The following TAOK3 variants were observed in gnomAD, a reference collection of about 807,000 sequenced individuals.
TAOK3 encodes serine/threonine-protein kinase TAO3.
Under a neutral mutation model 120.4 loss-of-function variants are expected in TAOK3, and 40 were observed. The observed-to-expected ratio is 0.33, with a 90% CI of 0.26 to 0.43. The LOEUF (loss-of-function observed/expected upper bound fraction) is 0.43, where lower values mean the gene tolerates loss of function less well. TAOK3 is among the 20% of genes least tolerant of loss of function. The probability of loss-of-function intolerance (pLI) is 1.00; values close to 1 mark genes in which losing one functional copy is unlikely to be tolerated. For synonymous variants in TAOK3, 355 were observed against 387.5 expected (o/e 0.92, Z 0.99); for missense variants, 821 against 1,112.1 (o/e 0.74, Z 3.72).
At chr12:118,357,918 C>T (rs761789587) in intron 1 of TAOK3, among the ~76,000 whole-genome samples, 3 of 152,126 alleles carry the variant, frequency 2.0e-5, no homozygotes, top group African/African-American at 4.8e-5. Context: ...GAAAGAATAG[C>T]GCCCCCATTA....
intron 3 of TAOK3, 50 bp downstream of exon 3, chr12:118,255,398 T>TCCAA: frequency 6.2e-7 from 1 of 1,600,664 alleles, no homozygotes; most frequent in Non-Finnish European, 8.5e-7. Flanking sequence ...AGGCCTAGAG[T>TCCAA]CCAACCTTTC....
intron 14 of TAOK3, among the ~76,000 whole-genome samples, chr12:118,187,934 GAGA>G (rs767983173): frequency 1.1e-4 from 17 of 152,176 alleles, no homozygotes; most frequent in Non-Finnish European, 1.5e-4. Context: ...ATCATCCACA[GAGA>G]AGAAGACTGT....
chr12:118,363,004 GAA>G (rs2045643192), intron 1 of TAOK3, among the ~76,000 whole-genome samples: 2 of 58,128 alleles, frequency 3.4e-5, no homozygotes, highest in African/African-American at 1.3e-4. Context: ...GGGCAACAGA[GAA>G]AGACTCCGTA....
intron 1 of TAOK3, among the ~76,000 whole-genome samples, chr12:118,288,902 C>G (rs1485427927): frequency 9.4e-6 from 1 of 106,226 alleles, no homozygotes; most frequent in Non-Finnish European, 1.8e-5. Flanking sequence ...GACAACAGAG[C>G]AAGACTCTAT....
intron 1 of TAOK3, among the ~76,000 whole-genome samples, chr12:118,311,501 G>A (rs565366358): frequency 2.0e-5 from 3 of 152,232 alleles, no homozygotes; most frequent in South Asian, 2.1e-4. Flanking sequence ...AAATAAGTTT[G>A]TTATAAGGAT....
At chr12:118,206,926 C>T (rs2038350488) in intron 11 of TAOK3, among the ~76,000 whole-genome samples, 1 of 152,094 alleles carries the variant, frequency 6.6e-6, no homozygotes, top group East Asian at 1.9e-4. Context: ...CACTGTTCTC[C>T]AAACCCCTAC....
intron 9 of TAOK3, among the ~76,000 whole-genome samples, chr12:118,222,105 CAA>C: frequency 6.6e-6 from 1 of 152,202 alleles, no homozygotes; most frequent in South Asian, 2.1e-4. Flanking sequence ...TCAGTTTGAT[CAA>C]GTTTCTGGAT....
chr12:118,152,355 G>A lies in TAOK3; in HGVS notation c.2407C>T (p.Gln803Ter), dbSNP rs1207585050. Residue 803 changes from glutamine (Q) to a stop codon, truncating the protein, a stop_gained, in exon 20 of 21, where the codon CAG (glutamine) becomes TAG (stop). Coordinates refer to ENST00000392533, the MANE Select transcript of TAOK3 (RefSeq NM_016281.4). LOFTEE classifies it high-confidence loss of function. ...AECQALRLQL[Q>*]QEMELLNAYQ... Reference sequence around the variant, plus strand: ...GCGTTGAGCAGCTCCATTTCCTGCTGGAGCTGTAGCCTCAAGGCCTGGCAT... The same window carrying A: ...GCGTTGAGCAGCTCCATTTCCTGCTAGAGCTGTAGCCTCAAGGCCTGGCAT... The A allele has an allele frequency of 6.2e-7, 1 of 1,613,898 alleles. No homozygotes were observed. The highest frequency in any genetic ancestry group is 8.5e-7 in the Non-Finnish European group (1 of 1,180,038).
chr12:118,205,826 G>A (rs921951299), intron 11 of TAOK3, among the ~76,000 whole-genome samples: 7 of 151,882 alleles, frequency 4.6e-5, no homozygotes, highest in African/African-American at 1.7e-4. Context: ...GGCCAGGCTG[G>A]TCTCAAACTC....
chr12:118,354,367 C>T (rs1252088379), intron 1 of TAOK3, among the ~76,000 whole-genome samples: 1 of 152,166 alleles, frequency 6.6e-6, no homozygotes, highest in Non-Finnish European at 1.5e-5. Flanking sequence ...GTAGCATCTA[C>T]AGTGTGGATA....
intron 1 of TAOK3, among the ~76,000 whole-genome samples, chr12:118,364,176 T>C (rs191552430): frequency 2.5e-3 from 384 of 152,182 alleles, no homozygotes; most frequent in African/African-American, 8.3e-3. Flanking sequence ...GGTTTATAAA[T>C]CTGTACTGAG....
chr12:118,260,353 T>C (rs898466184), intron 2 of TAOK3, among the ~76,000 whole-genome samples: 2 of 152,150 alleles, frequency 1.3e-5, no homozygotes, highest in East Asian at 3.9e-4. Flanking sequence ...AACTTAACTG[T>C]GTTCCAGAAC....
chr12:118,252,808 C>T (rs1052951979), intron 3 of TAOK3, among the ~76,000 whole-genome samples: 1 of 151,684 alleles, frequency 6.6e-6, no homozygotes, highest in African/African-American at 2.4e-5. Flanking sequence ...CAAGCTCTGC[C>T]TCCCGAGTTC....
At chr12:118,291,935 T>TC (rs1415226993) in intron 1 of TAOK3, among the ~76,000 whole-genome samples, 1 of 152,074 alleles carries the variant, frequency 6.6e-6, no homozygotes, top group Non-Finnish European at 1.5e-5. Flanking sequence ...TGCCTCAGCC[T>TC]CCCCAGTAGC....
intron 1 of TAOK3, among the ~76,000 whole-genome samples, chr12:118,290,891 TA>T (rs1186564053): frequency 0.013 from 2,034 of 151,806 alleles, 45 homozygotes; most frequent in African/African-American, 0.047. Context: ...TTAGGGCGTT[TA>T]CTTTTTTTTT....
intron 1 of TAOK3, among the ~76,000 whole-genome samples, chr12:118,302,476 T>C (rs1013639054): frequency 4.6e-5 from 7 of 152,124 alleles, no homozygotes; most frequent in Non-Finnish European, 7.4e-5. Flanking sequence ...AGTTTTCTTA[T>C]GGGTATAATA....
chr12:118,154,811 A>G (rs2138238368), intron 19 of TAOK3, among the ~76,000 whole-genome samples: 1 of 152,206 alleles, frequency 6.6e-6, no homozygotes. Context: ...TGAAGATACG[A>G]TAAGAGGCAA....
intron 1 of TAOK3, among the ~76,000 whole-genome samples, chr12:118,336,541 G>A (rs933922286): frequency 1.3e-5 from 2 of 151,770 alleles, no homozygotes; most frequent in Non-Finnish European, 2.9e-5. Context: ...CTAGGAATAG[G>A]CAAAGAATTC....
intron 6 of TAOK3, 26 bp downstream of exon 6, chr12:118,239,201 G>A (rs774407445): frequency 4.1e-6 from 6 of 1,450,262 alleles, no homozygotes; most frequent in East Asian, 2.3e-5. Context: ...AAAACAGAAA[G>A]GAGAGTTTAA....
Sources: allele counts gnomAD v4.1 joint callset (sites outside exome capture counted in the v4.1 genomes callset), GRCh38; gene constraint gnomAD v4.1.1; transcripts MANE v1.5; gene names NCBI Gene and HGNC (gene_info 2026-07-23, HGNC 2026-07-21).